ZFP14: variants seen among roughly 807,000 people sequenced by gnomAD.
ZFP14 encodes zinc finger protein 14 homolog.
Under a neutral mutation model 54.5 loss-of-function variants are expected in ZFP14, and 22 were observed. The observed-to-expected ratio is 0.40, with a 90% confidence interval of 0.29 to 0.58. ZFP14 has a LOEUF of 0.58. ZFP14 is among the 20% of genes least tolerant of loss of function. The probability of loss-of-function intolerance (pLI) is 0.39; values close to 1 mark genes in which losing one functional copy is unlikely to be tolerated. For synonymous variants in ZFP14, 159 were observed against 204.0 expected (o/e 0.78, Z 1.88); for missense variants, 470 against 637.8 (o/e 0.74, Z 2.83).
intron 4 of ZFP14, among the ~76,000 whole-genome samples, chr19:36,342,626 G>T (rs2031341853): frequency 6.6e-6 from 1 of 152,156 alleles, no homozygotes; most frequent in South Asian, 2.1e-4. Context: ...TTCAGGTCCT[G>T]AGACACTGTA....
chr19:36,341,619 ACT>A lies in ZFP14; in HGVS notation c.236-31_236-30del. On this transcript the variant is annotated intron_variant, in intron 4 of 4. Coordinates refer to ENST00000270001, the MANE Select transcript of ZFP14 (RefSeq NM_020917.3). This position sits in a 1 kb window ranked among gnomAD's most constrained non-coding sequence, Gnocchi z 4.2. ...AAAGAAAACAAGAAAGCAAATACAT[ACT>A]GTTTTCCTGTTCCAGAAAGAAAAAA... 6.6e-7 allele frequency: 1 copy of A among 1,520,758 alleles called. No individual in the cohort carries two copies. The allele number at this position is 1,520,758 out of a possible 1,614,324, so 94.2% of individuals were successfully genotyped here. A position where few individuals can be genotyped will look rare whatever the true frequency, so the allele number is the denominator to read the frequency against.
At position 36,336,295 on chromosome 19, in the gene ZFP14, A is replaced by G. The variant is rs1467934916; in HGVS notation, c.*3929T>C. 1 of 130,152 alleles carries G rather than the reference A, an allele frequency of 7.7e-6. No homozygotes were observed. The allele number at this position is 130,152 out of a possible 1,614,324, so 8.1% of individuals were successfully genotyped here. A position where few individuals can be genotyped will look rare whatever the true frequency, so the allele number is the denominator to read the frequency against. On this transcript the variant is annotated 3_prime_UTR_variant, in exon 5 of 5. Transcript: ENST00000270001. ...TGCTCTGTTACCCAGGCTGGAGTGC[A>G]GTGGCGCGATCTCAACTCACCACAA...
intron 2 of ZFP14, among the ~76,000 whole-genome samples, chr19:36,363,560 A>G (rs959568271): frequency 9.2e-5 from 14 of 152,164 alleles, no homozygotes; most frequent in African/African-American, 3.4e-4. Context: ...CCATATCTGG[A>G]GACAATTTTG....
Position 36,352,727 on chromosome 19 carries a change from G to T in ZFP14, c.235+7708C>A, listed in dbSNP as rs182716181. Reference sequence around the variant, plus strand: ...GAGGCCGAGGCGGGCGGATCACAAGGCCAGGAGATCGAGACCATCATGGCT... The same window carrying T: ...GAGGCCGAGGCGGGCGGATCACAAGTCCAGGAGATCGAGACCATCATGGCT... On this transcript the variant is annotated intron_variant, in intron 4 of 4. Transcript: ENST00000270001. Among the ~76,000 whole-genome samples, 427 of 142,324 alleles carry T rather than the reference G, an allele frequency of 3.0e-3. 70 individuals are homozygous for T. The highest frequency in any genetic ancestry group is 7.2e-3 in the Admixed American group (100 of 13,834). 93.4% of individuals were successfully genotyped at this position (142,324 alleles called of 152,430 possible).
chr19:36,377,996 T>G (rs1011808081), intron 1 of ZFP14: 1 of 152,220 alleles, frequency 6.6e-6, no homozygotes, highest in African/African-American at 2.4e-5. Context: ...TCTAACTAGC[T>G]GAAGATTAAC....
At chr19:36,375,103 T>A (rs1404131837) in intron 1 of ZFP14, among the ~76,000 whole-genome samples, 2 of 152,216 alleles carry the variant, frequency 1.3e-5, no homozygotes, top group Non-Finnish European at 2.9e-5. Flanking sequence ...CTTTCACATC[T>A]TCCTGATAAA....
At chr19:36,359,887 T>A (rs536118994) in intron 4 of ZFP14, among the ~76,000 whole-genome samples, 2 of 152,236 alleles carry the variant, frequency 1.3e-5, no homozygotes, top group South Asian at 4.1e-4. Context: ...ACCCCTGACC[T>A]CAAGTGACCA....
Position 36,346,433 on chromosome 19 carries a change from A to G in ZFP14, c.236-4843T>C, listed in dbSNP as rs756479265. 9.9e-5 allele frequency among the ~76,000 whole-genome samples: 15 copies of G among 152,156 alleles called. 1 individual carries two copies. Among genetic ancestry groups the G allele is most frequent in the Admixed American group, 2.0e-4 (3 of 15,280 alleles). Reference sequence around the variant, plus strand: ...ACAAAATAAAAAATGGCCACTAGCTATTCAGTGACAACTCCCCATAGAGCT... The same window carrying G: ...ACAAAATAAAAAATGGCCACTAGCTGTTCAGTGACAACTCCCCATAGAGCT... On this transcript the variant is annotated intron_variant, in intron 4 of 4. Coordinates refer to ENST00000270001, the MANE Select transcript of ZFP14 (RefSeq NM_020917.3).
chr19:36,374,083 C>G (rs1482064085), intron 1 of ZFP14, among the ~76,000 whole-genome samples: 2 of 152,078 alleles, frequency 1.3e-5, no homozygotes, highest in African/African-American at 4.8e-5. Context: ...GTGGGGACAC[C>G]GACACTAGGT....
intron 4 of ZFP14, among the ~76,000 whole-genome samples, chr19:36,356,802 T>C (rs2031622145): frequency 1.3e-5 from 2 of 152,226 alleles, no homozygotes; most frequent in African/African-American, 4.8e-5. Flanking sequence ...TTGTTGCATG[T>C]ATCAAGAGTT....
At position 36,370,331 on chromosome 19, in the gene ZFP14, C is replaced by T. The variant is rs189069324; in HGVS notation, c.-79-2360G>A. ...TGCCTGTTCCCTAACACCAGGCCCG[C>T]CATAGTAAAACCCAGCAACAGGGAG... On this transcript the variant is annotated intron_variant, in intron 1 of 4. Coordinates refer to ENST00000270001, the MANE Select transcript of ZFP14 (RefSeq NM_020917.3). Among the ~76,000 whole-genome samples the T allele has an allele frequency of 3.3e-3, 498 of 152,314 alleles. 2 individuals carry two copies. Among genetic ancestry groups the T allele is most frequent in the African/African-American group, 0.012 (484 of 41,558 alleles).
At chr19:36,359,947 G>A (rs367548529) in intron 4 of ZFP14, among the ~76,000 whole-genome samples, 27 of 152,184 alleles carry the variant, frequency 1.8e-4, no homozygotes, top group African/African-American at 5.8e-4. Flanking sequence ...GAGCCACCAC[G>A]CCCAGCCTCT....
In ZFP14 at chr19:36,355,147, A is replaced by G. The variant is rs965816508; in HGVS notation, c.235+5288T>C. 8.4e-5 allele frequency among the ~76,000 whole-genome samples: 12 copies of G among 143,622 alleles called. 3 individuals are homozygous for G. The highest frequency in any genetic ancestry group is 3.1e-4 in the African/African-American group (12 of 39,250). 94.2% of individuals were successfully genotyped at this position (143,622 alleles called of 152,430 possible). ...ACACCTAGTTCCAACTAGGCACTCA[A>G]GTATTTGCCAAATAAATAAAGGAAT... is the stretch of plus-strand genomic sequence containing the variant. On this transcript the variant is annotated intron_variant, in intron 4 of 4. Transcript: ENST00000270001.
chr19:36,343,571 C>G (rs1004530379), intron 4 of ZFP14, among the ~76,000 whole-genome samples: 2 of 152,180 alleles, frequency 1.3e-5, no homozygotes, highest in Admixed American at 6.6e-5. Flanking sequence ...GCTTGTCTTA[C>G]TCCATTTTCT....
intron 2 of ZFP14, among the ~76,000 whole-genome samples, chr19:36,364,956 CCTT>C (rs1338885913): frequency 1.3e-5 from 2 of 149,936 alleles, no homozygotes; most frequent in South Asian, 2.1e-4. Context: ...CTTCCTTCCT[CCTT>C]CTTTCTTTCT....
intron 2 of ZFP14, 60 bp from the exon 3 acceptor site, chr19:36,362,298 A>G: frequency 6.5e-7 from 1 of 1,537,316 alleles, no homozygotes; most frequent in African/African-American, 1.4e-5. Flanking sequence ...TAAAATGGAA[A>G]GAGGGGAGAT....
Position 36,341,496 on chromosome 19 carries a change from T to G in ZFP14, c.330A>C (p.Lys110Asn). ...AAATGGAACCCTGAAGGCTATAGCT[T>G]TTAATTCTTTCCATTATATCCCACT... is the stretch of plus-strand genomic sequence containing the variant. ...SFQWDIMERI[K>N]SYSLQGSIFR... The change falls in exon 5 of 5, where the codon AAA (lysine) becomes AAC (asparagine). Residue 110 changes from lysine to asparagine, a missense_variant. Transcript: ENST00000270001. This position sits in a 1 kb window ranked among gnomAD's most constrained non-coding sequence, Gnocchi z 4.2. 1 of 1,613,446 alleles carries G rather than the reference T, an allele frequency of 6.2e-7. No homozygotes were observed. Among genetic ancestry groups the G allele is most frequent in the African/African-American group, 1.3e-5 (1 of 75,006 alleles).
At chr19:36,370,377 G>A (rs1464530375) in intron 1 of ZFP14, among the ~76,000 whole-genome samples, 2 of 152,314 alleles carry the variant, frequency 1.3e-5, no homozygotes, top group African/African-American at 2.4e-5. Flanking sequence ...CCAGACTCCA[G>A]GCCAGTAGCC....
intron 4 of ZFP14, among the ~76,000 whole-genome samples, chr19:36,355,903 T>C (rs2145551799): frequency 7.0e-6 from 1 of 142,210 alleles, no homozygotes; most frequent in East Asian, 2.1e-4. Flanking sequence ...CAGCTTAAGA[T>C]GATACAGATT....
Sources: allele counts gnomAD v4.1 joint callset (sites outside exome capture counted in the v4.1 genomes callset), GRCh38; gene constraint gnomAD v4.1.1; non-coding constraint Gnocchi (gnomAD v3.1); transcripts MANE v1.5; gene names NCBI Gene and HGNC (gene_info 2026-07-23, HGNC 2026-07-21).